Variants in TG observed in about 807,000 individuals in gnomAD.
TG encodes the protein thyroid hormones.
Under a neutral mutation model 324.7 loss-of-function variants are expected in TG, and 270 were observed. That is an observed-to-expected ratio of 0.83 (90% confidence interval 0.75 to 0.92). The LOEUF is 0.92. Among genes scored for constraint, TG ranks in the 40% least tolerant of loss-of-function variants. The probability of loss-of-function intolerance (pLI) is 0.00; values close to 1 mark genes in which losing one functional copy is unlikely to be tolerated. For missense variants in TG, 3,591 were observed against 3,456.4 expected, an observed-to-expected ratio of 1.04 and a Z score of -0.98; for synonymous variants, 1,401 against 1,327.0, an observed-to-expected ratio of 1.06 and a Z score of -1.21.
chr8:133,097,451 A>G lies in TG; in HGVS notation c.7572+1078A>G, dbSNP rs575849810. On this transcript the variant is annotated intron_variant, in intron 43 of 47. Coordinates refer to ENST00000220616, the MANE Select transcript of TG (RefSeq NM_003235.5). ...AACAGGGAAATGGTTGACTAAATTA[A>G]GATACAAACAAGCTATTAAATATTA... Among the ~76,000 whole-genome samples, 4 of 152,380 alleles carry G rather than the reference A, an allele frequency of 2.6e-5. No homozygotes were observed. In the East Asian group the frequency reaches 7.7e-4, roughly 29 times the overall value.
intron 35 of TG, 111 bp downstream of exon 35, chr8:132,983,523 A>G: frequency 9.2e-7 from 1 of 1,085,512 alleles, no homozygotes; most frequent in African/African-American, 1.5e-5. Context: ...TATCACTCGC[A>G]TTAATTCCAG....
Position 132,888,089 on chromosome 8 carries a change from C to T in TG, c.2282C>T (p.Pro761Leu). 1 of 1,614,140 alleles carries T rather than the reference C, an allele frequency of 6.2e-7. No homozygotes were observed. Among genetic ancestry groups the T allele is most frequent in the Non-Finnish European group, 8.5e-7 (1 of 1,180,036 alleles). The change falls in exon 10 of 48, where the codon CCA (proline) becomes CTA (leucine). Residue 761 changes from proline to leucine, a missense_variant. Physicochemically the swap from Pro to Leu is moderately conservative, Grantham distance 98. Coordinates refer to ENST00000220616, the MANE Select transcript of TG (RefSeq NM_003235.5). ...CCCACCCTTTCCGACACCTACATCC[C>T]ACAGTGCAGCACCGATGGGCAGTGG... ...MLPTLSDTYI[P>L]QCSTDGQWRQ...
At chr8:133,107,501 C>T (rs1457310415) in intron 43 of TG, among the ~76,000 whole-genome samples, 3 of 152,196 alleles carry the variant, frequency 2.0e-5, no homozygotes, top group Admixed American at 6.5e-5. Context: ...TGCAGTCACA[C>T]GGTGGCCCCC....
chr8:133,095,260 T>G (rs1848230554), intron 42 of TG, 52 bp downstream of exon 42: 2 of 1,613,404 alleles, frequency 1.2e-6, no homozygotes, highest in Admixed American at 1.7e-5. Context: ...CTTTTACAAA[T>G]AGAAAATGAA....
intron 40 of TG, 99 bp from the exon 41 acceptor site, chr8:133,029,722 T>C: frequency 1.4e-6 from 2 of 1,438,328 alleles, no homozygotes; most frequent in Non-Finnish European, 1.9e-6. Context: ...CCAGAGCCCC[T>C]GGCGGGGCCG....
At chr8:132,910,730 T>C (rs1400471821) in intron 18 of TG, among the ~76,000 whole-genome samples, 1 of 152,252 alleles carries the variant, frequency 6.6e-6, no homozygotes, top group African/African-American at 2.4e-5. Context: ...AAAAAAGTTC[T>C]GTTGTTTATA....
intron 41 of TG, among the ~76,000 whole-genome samples, chr8:133,080,645 C>G (rs956569980): frequency 1.3e-5 from 2 of 152,188 alleles, no homozygotes; most frequent in African/African-American, 4.8e-5. Flanking sequence ...ATTCAAAGCT[C>G]ATCAATCTGT....
At chr8:132,948,707 G>T in intron 26 of TG, 69 bp from the exon 27 acceptor site, 1 of 1,533,762 alleles carries the variant, frequency 6.5e-7, no homozygotes, top group South Asian at 1.1e-5. Flanking sequence ...ATGCTCTCAG[G>T]GGACAGAGAA....
rs886038526 is a variant in TG, at chr8:132,886,632, G to A, written c.1260G>A (p.Gly420=). ...PTIKELFVDS[G]LLRPMVEGQS... The stretch of plus-strand genomic sequence containing the variant: ...TCAAGGAGCTCTTTGTGGACTCTGG[G>A]CTTCTCCGCCCAATGGTGGAGGGAC... The change falls in exon 9 of 48, where the codon GGG becomes GGA. Residue 420 remains glycine (G), a synonymous_variant. Coordinates refer to ENST00000220616, the MANE Select transcript of TG (RefSeq NM_003235.5). 1 of 1,614,142 alleles carries A rather than the reference G, an allele frequency of 6.2e-7. No individual in the cohort carries two copies.
At chr8:133,000,784 G>A (rs540495597) in intron 35 of TG, among the ~76,000 whole-genome samples, 1 of 152,194 alleles carries the variant, frequency 6.6e-6, no homozygotes, top group Non-Finnish European at 1.5e-5. Context: ...GGCAGAGCAG[G>A]CCCTCTGTAA....
At chr8:132,876,032 A>G (rs1406444147) in intron 5 of TG, among the ~76,000 whole-genome samples, 2 of 152,094 alleles carry the variant, frequency 1.3e-5, no homozygotes, top group Admixed American at 1.3e-4. Flanking sequence ...CAGTGTAAGT[A>G]TGTTTCAATA....
chr8:133,095,999 C>G (rs1190894045), intron 42 of TG, among the ~76,000 whole-genome samples: 1 of 152,180 alleles, frequency 6.6e-6, no homozygotes, highest in Non-Finnish European at 1.5e-5. Context: ...CCCTGGAGAC[C>G]ATCATTGCTG....
intron 35 of TG, chr8:133,002,219 C>T (rs1032118897): frequency 1.0e-6 from 1 of 985,442 alleles, no homozygotes; most frequent in African/African-American, 1.7e-5. Context: ...AGAAGCTCAC[C>T]TGTCATTACC....
At chr8:133,038,387 A>C in intron 41 of TG, 1 of 687,508 alleles carries the variant, frequency 1.5e-6, no homozygotes, top group Non-Finnish European at 2.6e-6. Flanking sequence ...TGCGAATTTG[A>C]GTCTCCATGT....
intron 41 of TG, chr8:133,063,543 T>C (rs1179775752): frequency 6.6e-6 from 1 of 151,594 alleles, no homozygotes; most frequent in Non-Finnish European, 1.5e-5. Context: ...ATTGTTGAGA[T>C]TGGAGAAATG....
intron 5 of TG, among the ~76,000 whole-genome samples, chr8:132,880,106 G>C (rs1025367204): frequency 5.3e-5 from 8 of 152,236 alleles, no homozygotes; most frequent in African/African-American, 1.9e-4. Context: ...ATGCCTTGCA[G>C]GGCAGGATGT....
At chr8:132,935,936 C>A (rs1351443210) in intron 25 of TG, 72 bp downstream of exon 25, 2 of 1,239,774 alleles carry the variant, frequency 1.6e-6, no homozygotes, top group East Asian at 4.7e-5. Flanking sequence ...TGGTTTCCAG[C>A]AGGTGCATGT....
chr8:133,077,432 G>A (rs1171457814), intron 41 of TG, among the ~76,000 whole-genome samples: 2 of 152,152 alleles, frequency 1.3e-5, no homozygotes, highest in African/African-American at 4.8e-5. Flanking sequence ...AACCTCCCCT[G>A]ACCCCCAGCC....
intron 41 of TG, chr8:133,072,796 C>T (rs1028953126): frequency 1.3e-5 from 2 of 152,038 alleles, no homozygotes; most frequent in Non-Finnish European, 2.9e-5. Context: ...AAGTGTTATT[C>T]GGAAAGCGAC....
Sources: allele counts gnomAD v4.1 joint callset (sites outside exome capture counted in the v4.1 genomes callset), GRCh38; gene constraint gnomAD v4.1.1; transcripts MANE v1.5; gene names NCBI Gene and HGNC (gene_info 2026-07-23, HGNC 2026-07-21).